The following C16orf92 variants were observed in gnomAD, a reference collection of about 807,000 sequenced individuals.
C16orf92 encodes the protein fertilization-influencing membrane protein 1.
C16orf92 carries 14 observed loss-of-function variants against 13.7 expected under a neutral mutation model. The observed-to-expected ratio is 1.02, with a 90% CI of 0.67 to 1.60. C16orf92 has a LOEUF of 1.60. Ranked by LOEUF, C16orf92 falls within the 40% of genes most tolerant of loss-of-function variation. C16orf92 has a pLI of 0.00. For synonymous variants in C16orf92, 50 were observed against 57.4 expected (o/e 0.87, Z 0.58); for missense variants, 116 against 139.0 (o/e 0.83, Z 0.83).
At position 30,024,579 on chromosome 16, in the gene C16orf92, G is replaced by A. The variant is rs1459556005; in HGVS notation, c.*352G>A. On this transcript the variant is annotated 3_prime_UTR_variant, in exon 4 of 4. Transcript: ENST00000681219. ...TGTGCAGCCGATGGTGAGGGACTGG[G>A]CGCCCTCGCCTGCCCCCGGGGTTGT... is the stretch of plus-strand genomic sequence containing the variant. The A allele has an allele frequency of 5.9e-6, 2 of 339,256 alleles. No individual in the cohort carries two copies. The highest frequency in any genetic ancestry group is 8.8e-5 in the Admixed American group (2 of 22,676). The allele number at this position is 339,256 out of a possible 1,614,324, so 21.0% of individuals were successfully genotyped here.
chr16:30,024,458 G>T lies in C16orf92; in HGVS notation c.*231G>T. 1 of 625,490 alleles carries T rather than the reference G, an allele frequency of 1.6e-6. No individual in the cohort carries two copies. Among genetic ancestry groups the T allele is most frequent in the Non-Finnish European group, 2.7e-6 (1 of 364,330 alleles). The allele number at this position is 625,490 out of a possible 1,614,324, so 38.7% of individuals were successfully genotyped here. The stretch of plus-strand genomic sequence containing the variant: ...TCACGCAGATCGTCTTTTATTAGCG[G>T]TCTGTAAAGCACCTCCCAGGGTCCC... On this transcript the variant is annotated 3_prime_UTR_variant, in exon 4 of 4. Transcript: ENST00000681219.
chr16:30,026,592 A>ACC, downstream of C16orf92: 1 of 1,386,896 alleles, frequency 7.2e-7, no homozygotes, highest in Non-Finnish European at 1.0e-6. Flanking sequence ...CCGCCCGCCC[A>ACC]GCTCCCCGGG....
chr16:30,027,212 T>C (rs770896932), downstream of C16orf92: 3 of 462,424 alleles, frequency 6.5e-6, 1 homozygote, highest in South Asian at 4.6e-5. Flanking sequence ...AACCTTACCA[T>C]GAGGTTAGGA....
At chr16:30,025,575 A>ACAAGCAC, downstream of C16orf92, 1 of 1,521,016 alleles carries the variant, frequency 6.6e-7, no homozygotes, top group Non-Finnish European at 9.1e-7. This position sits in a 1 kb window ranked among gnomAD's most constrained non-coding sequence, Gnocchi z 4.1. Flanking sequence ...CAAACCAGAC[A>ACAAGCAC]CTTTGCCAGG....
chr16:30,026,573 AC>A (rs1374385186), downstream of C16orf92: 4 of 1,576,302 alleles, frequency 2.5e-6, no homozygotes, highest in Non-Finnish European at 3.5e-6. Flanking sequence ...GGAGCAGGCC[AC>A]CCGCACCCCG....
chr16:30,023,540 C>T, intron 1 of C16orf92, 136 bp downstream of exon 1: 1 of 1,387,346 alleles, frequency 7.2e-7, no homozygotes, highest in Non-Finnish European at 1.0e-6. Context: ...CCTGCTGGTC[C>T]CACCTACCCC....
Position 30,024,197 on chromosome 16 carries a change from GCCC to G in C16orf92, c.312-7_312-5del. 6.2e-7 allele frequency: 1 copy of G among 1,613,972 alleles called. No homozygotes were observed. Among genetic ancestry groups the G allele is most frequent in the South Asian group, 1.1e-5 (1 of 91,078 alleles). ...GTGACCTCTCCCCTCTGATCTCCAT[GCCC>G]CACAGAAACTTCCAGAAAGGGGCCT... On this transcript the variant is annotated splice_polypyrimidine_tract_variant and splice_region_variant and intron_variant, in intron 3 of 3. Transcript: ENST00000681219.
At chr16:30,024,994 AG>A (rs992170896), downstream of C16orf92, 11 of 524,422 alleles carry the variant, frequency 2.1e-5, no homozygotes, top group African/African-American at 1.8e-4. Flanking sequence ...GGGGCAGAGT[AG>A]GGGGAAGAGG....
In C16orf92 at chr16:30,023,751, C is replaced by T. The variant is rs113595171; in HGVS notation, c.89C>T (p.Ala30Val). The T allele has an allele frequency of 8.7e-6, 14 of 1,613,874 alleles. No homozygotes were observed. In the African/African-American group the frequency reaches 9.3e-5, roughly 11 times the overall value. The change falls in exon 2 of 4, where the codon GCG (alanine) becomes GTG (valine). Residue 30 changes from alanine to valine, a missense_variant. By Grantham distance (64) the Ala-to-Val change is moderately conservative (BLOSUM62 0). Coordinates refer to ENST00000681219, the MANE Select transcript of C16orf92 (RefSeq NM_001109659.2). ...GCACCCAGACCCAAGCGTGCCACGG[C>T]GTCAGCCCTGGGGACAGAGTCTCCG... The part of the protein sequence containing the change: ...ETAPRPKRAT[A>V]SALGTESPRF...
chr16:30,027,118 A>G (rs559969168), downstream of C16orf92: 16 of 555,716 alleles, frequency 2.9e-5, no homozygotes, highest in Non-Finnish European at 4.1e-5. Flanking sequence ...AGACCAGAAG[A>G]TGCCCACAGA....
chr16:30,025,167 G>A, downstream of C16orf92: 2 of 1,426,828 alleles, frequency 1.4e-6, no homozygotes, highest in Non-Finnish European at 9.2e-7. This position sits in a 1 kb window ranked among gnomAD's most constrained non-coding sequence, Gnocchi z 4.1. Context: ...GAGGGGGAGG[G>A]TCCCGGCCCC....
chr16:30,023,237 G>T lies in C16orf92; in HGVS notation c.-104G>T. 1.0e-6 allele frequency: 1 copy of T among 980,628 alleles called. No homozygotes were observed. The highest frequency in any genetic ancestry group is 1.6e-6 in the Non-Finnish European group (1 of 638,712). 60.7% of individuals were successfully genotyped at this position (980,628 alleles called of 1,614,324 possible). A position where few individuals can be genotyped will look rare whatever the true frequency, so the allele number is the denominator to read the frequency against. The stretch of plus-strand genomic sequence containing the variant: ...CCTCTTCTGATGAGAGTGAGGGATG[G>T]GGGAGGGGTCCCAGCTCCTAGCACT... On this transcript the variant is annotated 5_prime_UTR_variant, in exon 1 of 4. Transcript: ENST00000681219.
chr16:30,024,212 C>T lies in C16orf92; in HGVS notation c.318C>T (p.Phe106=). ...TGATCTCCATGCCCCACAGAAACTT[C>T]CAGAAAGGGGCCTAAAGAGCCGGAC... ...LLFQFCTHIN[F]QKGA The change falls in exon 4 of 4, where the codon TTC becomes TTT. Residue 106 remains phenylalanine, a synonymous_variant. Transcript: ENST00000681219. 1 of 1,614,112 alleles carries T rather than the reference C, an allele frequency of 6.2e-7. No individual in the cohort carries two copies. Among genetic ancestry groups the T allele is most frequent in the Non-Finnish European group, 8.5e-7 (1 of 1,179,972 alleles).
At chr16:30,026,979 G>A (rs1377533332), downstream of C16orf92, 4 of 764,332 alleles carry the variant, frequency 5.2e-6, no homozygotes, top group African/African-American at 5.1e-5. Context: ...CCAGAGGGTA[G>A]AGGGTGAGAA....
At chr16:30,026,621 G>A (rs765122754), downstream of C16orf92, 2 of 1,613,390 alleles carry the variant, frequency 1.2e-6, no homozygotes, top group East Asian at 2.2e-5. Context: ...CTGAGAGTGG[G>A]AAGCACACCA....
Position 30,024,002 on chromosome 16 carries a change from C to G in C16orf92, c.227C>G (p.Ser76Cys). ...EKPIVFINSG[S>C]SPGLFHHILV... ...AAGGGTCCTGTTTGTCTAGCAGGTTCCAGCCCCGGGCTCTTCCATCACATC... is the reference window on the plus strand; with the variant it reads ...AAGGGTCCTGTTTGTCTAGCAGGTTGCAGCCCCGGGCTCTTCCATCACATC... The change falls in exon 3 of 4, where the codon TCC becomes TGC. Residue 76 changes from serine (S) to cysteine (C), a missense_variant. Coordinates refer to ENST00000681219, the MANE Select transcript of C16orf92 (RefSeq NM_001109659.2). 6.2e-7 allele frequency: 1 copy of G among 1,613,402 alleles called. No individual in the cohort carries two copies. The highest frequency in any genetic ancestry group is 1.6e-4 in the Middle Eastern group (1 of 6,062).
In C16orf92 at chr16:30,024,600, G is replaced by A. The variant is rs2071012794; in HGVS notation, c.*373G>A. 3.4e-6 allele frequency: 1 copy of A among 298,044 alleles called. No individual in the cohort carries two copies. Among genetic ancestry groups the A allele is most frequent in the Non-Finnish European group, 6.2e-6 (1 of 160,284 alleles). The allele number at this position is 298,044 out of a possible 1,614,324, so 18.5% of individuals were successfully genotyped here. On this transcript the variant is annotated 3_prime_UTR_variant, in exon 4 of 4. Transcript: ENST00000681219. ...CTGGGCGCCCTCGCCTGCCCCCGGG[G>A]TTGTCAGCACTGGGAAGGCTTGGGG...
At chr16:30,026,956 A>T, downstream of C16orf92, 1 of 866,680 alleles carries the variant, frequency 1.2e-6, no homozygotes, top group African/African-American at 1.7e-5. Flanking sequence ...AGTCTTGGGT[A>T]CAGATGAGGG....
At chr16:30,025,691 C>T (rs1450700171), downstream of C16orf92, 3 of 1,602,538 alleles carry the variant, frequency 1.9e-6, no homozygotes, top group South Asian at 1.1e-5. This position sits in a 1 kb window ranked among gnomAD's most constrained non-coding sequence, Gnocchi z 4.1. Context: ...TGTGACCTCC[C>T]CATTGGGCTC....
Sources: allele counts gnomAD v4.1 joint callset, GRCh38; gene constraint gnomAD v4.1.1; non-coding constraint Gnocchi (gnomAD v3.1); transcripts MANE v1.5; gene names NCBI Gene and HGNC (gene_info 2026-07-23, HGNC 2026-07-21).